KANSL3: variants seen among roughly 807,000 people sequenced by gnomAD.
The protein encoded by KANSL3 is NSL complex protein NSL3.
A neutral mutation model predicts 89.2 loss-of-function variants in KANSL3; 16 were observed. The ratio of observed to expected loss-of-function variants is 0.18; its 90% CI spans 0.12 to 0.27. The LOEUF (loss-of-function observed/expected upper bound fraction) is 0.27. Ranked by LOEUF, KANSL3 falls within the 10% of genes least tolerant of loss-of-function variation. The pLI is 1.00. For synonymous variants in KANSL3, 385 were observed against 419.7 expected (o/e 0.92, Z 1.01); for missense variants, 879 against 1,110.6 (o/e 0.79, Z 2.96).
intron 6 of KANSL3, among the ~76,000 whole-genome samples, chr2:96,613,214 A>G (rs1229223446): frequency 2.0e-5 from 3 of 151,478 alleles, no homozygotes; most frequent in Non-Finnish European, 2.9e-5. Context: ...TCCTGTCACT[A>G]CTGAAAATTA....
At chr2:96,615,391 C>T in intron 5 of KANSL3, 1 of 503,054 alleles carries the variant, frequency 2.0e-6, no homozygotes, top group Middle Eastern at 3.3e-4. Context: ...TCCTGCTATA[C>T]TATATACAGT....
rs147016245 is a variant in KANSL3, at chr2:96,602,892, A to T, written c.2150-30T>A. 8.1e-6 allele frequency: 13 copies of T among 1,599,292 alleles called. No homozygotes were observed. In the African/African-American group the frequency reaches 1.7e-4, roughly 21 times the overall value. ...GAGAGGACATAGCAGGAATCAGTAG[A>T]GACTCAATCACTTGCACTATCCCGA... On this transcript the variant is annotated intron_variant, in intron 17 of 20. Coordinates refer to ENST00000431828, the MANE Select transcript of KANSL3 (RefSeq NM_001115016.3).
At chr2:96,591,107 A>AG (rs1432352519), downstream of KANSL3, among the ~76,000 whole-genome samples, 3 of 152,248 alleles carry the variant, frequency 2.0e-5, no homozygotes, top group Non-Finnish European at 2.9e-5. Flanking sequence ...CAATAGGTGA[A>AG]TGAATTGTTA....
intron 6 of KANSL3, 44 bp downstream of exon 6, chr2:96,613,442 TAA>T: frequency 1.3e-6 from 2 of 1,548,022 alleles, no homozygotes; most frequent in Non-Finnish European, 1.8e-6. Flanking sequence ...GGCTTGAGTC[TAA>T]AATTTTTATG....
chr2:96,583,121 T>C, the KANSL3 span, among the ~76,000 whole-genome samples: 11 of 152,378 alleles, frequency 7.2e-5, no homozygotes, highest in Admixed American at 2.0e-4. Flanking sequence ...GTACAGACTA[T>C]GGTTTGCCCT....
intron 20 of KANSL3, chr2:96,601,395 T>C (rs1399465942): frequency 1.0e-6 from 1 of 985,164 alleles, no homozygotes; most frequent in East Asian, 1.1e-4. Flanking sequence ...CATTAAATAC[T>C]AGACACTGCT....
intron 5 of KANSL3, among the ~76,000 whole-genome samples, chr2:96,614,044 C>G (rs2069494895): frequency 6.6e-6 from 1 of 152,094 alleles, no homozygotes; most frequent in Admixed American, 6.6e-5. Flanking sequence ...GTAGTTTAGT[C>G]AACTATCTAC....
intron 2 of KANSL3, among the ~76,000 whole-genome samples, chr2:96,635,770 C>T (rs2074146095): frequency 6.6e-6 from 1 of 152,156 alleles, no homozygotes. Context: ...GGGTGGATTG[C>T]CTGAGGTCAG....
intron 14 of KANSL3, chr2:96,606,592 CTG>C: frequency 5.2e-6 from 1 of 190,688 alleles, no homozygotes; most frequent in Non-Finnish European, 1.1e-5. Context: ...AGGTTCTATG[CTG>C]ATATGTGGCT....
chr2:96,619,636 G>A, intron 4 of KANSL3, 36 bp downstream of exon 4: 4 of 1,593,184 alleles, frequency 2.5e-6, no homozygotes, highest in East Asian at 2.3e-5. Context: ...CCTGAACTAC[G>A]AAGAGCCCAC....
chr2:96,607,543 G>A (rs1014042269), intron 14 of KANSL3, among the ~76,000 whole-genome samples: 2 of 152,284 alleles, frequency 1.3e-5, no homozygotes, highest in Non-Finnish European at 2.9e-5. Context: ...ACGGGACTTG[G>A]CTCTGGCCAC....
At chr2:96,584,443 T>C in the KANSL3 span, among the ~76,000 whole-genome samples, 1 of 152,220 alleles carries the variant, frequency 6.6e-6, no homozygotes, top group African/African-American at 2.4e-5. Context: ...CCTCAAAACA[T>C]TTCTCATTTC....
At chr2:96,626,509 A>T (rs1474784142) in intron 3 of KANSL3, among the ~76,000 whole-genome samples, 1 of 152,192 alleles carries the variant, frequency 6.6e-6, no homozygotes, top group Non-Finnish European at 1.5e-5. Context: ...TTTTGGCTGG[A>T]ATTCAGAAGT....
At chr2:96,596,957 A>C (rs1323656787) in intron 20 of KANSL3, among the ~76,000 whole-genome samples, 1 of 152,252 alleles carries the variant, frequency 6.6e-6, no homozygotes, top group East Asian at 1.9e-4. Flanking sequence ...GCAGCTTCTC[A>C]GCTGTGATGA....
At chr2:96,581,163 C>T in the KANSL3 span, among the ~76,000 whole-genome samples, 6 of 152,232 alleles carry the variant, frequency 3.9e-5, no homozygotes, top group Admixed American at 6.5e-5. Context: ...CGGTGGCTCA[C>T]GCCTGTAATC....
chr2:96,600,965 T>A, intron 20 of KANSL3: 1 of 836,798 alleles, frequency 1.2e-6, no homozygotes, highest in South Asian at 5.5e-5. Context: ...GGCAACATAG[T>A]GAGATATCTC....
chr2:96,583,960 C>T, the KANSL3 span, among the ~76,000 whole-genome samples: 2 of 152,132 alleles, frequency 1.3e-5, no homozygotes, highest in Non-Finnish European at 2.9e-5. Context: ...TTACTCATGA[C>T]CAGTGATACT....
chr2:96,591,500 TG>T (rs2066273932), downstream of KANSL3, among the ~76,000 whole-genome samples: 1 of 152,226 alleles, frequency 6.6e-6, no homozygotes, highest in South Asian at 2.1e-4. Context: ...TTAAGTGAGA[TG>T]TAAGTACTGG....
At position 96,637,140 on chromosome 2, in the gene KANSL3, G is replaced by A. The variant is rs565366234; in HGVS notation, c.-5C>T. 8.2e-4 allele frequency: 1,267 copies of A among 1,547,402 alleles called. 8 individuals are homozygous for A. The highest frequency in any genetic ancestry group is 1.7e-3 in the South Asian group (143 of 83,890). Reference sequence around the variant, plus strand: ...CTCCCCACCCCGGTGGGCCATGTCAGTGGAGGGGCAGAAAGTCAGAGCATG... The same window carrying A: ...CTCCCCACCCCGGTGGGCCATGTCAATGGAGGGGCAGAAAGTCAGAGCATG... On this transcript the variant is annotated 5_prime_UTR_variant, in exon 2 of 21. Coordinates refer to ENST00000431828, the MANE Select transcript of KANSL3 (RefSeq NM_001115016.3).
Sources: gnomAD v4.1 joint callset for allele counts (sites outside exome capture counted in the v4.1 genomes callset) on GRCh38, gnomAD v4.1.1 for gene constraint, MANE v1.5 for transcripts, NCBI Gene and HGNC (gene_info 2026-07-23, HGNC 2026-07-21) for gene names.